The following IFT88 variants were observed in gnomAD, a reference collection of about 807,000 sequenced individuals.
IFT88 encodes the protein intraflagellar transport 88, also known as intraflagellar transport protein 88 homolog.
In IFT88, 74 loss-of-function variants were observed where a neutral mutation model predicts 119.5. That is an observed-to-expected ratio of 0.62 (90% confidence interval 0.51 to 0.75). IFT88 has a LOEUF of 0.75. Ranked by LOEUF, IFT88 falls within the 30% of genes least tolerant of loss-of-function variation. The pLI, the probability that IFT88 is intolerant of heterozygous loss-of-function variation, is 0.00. For synonymous variants in IFT88, 279 were observed against 316.7 expected (o/e 0.88, Z 1.26); for missense variants, 961 against 977.7 (o/e 0.98, Z 0.23).
intron 12 of IFT88, among the ~76,000 whole-genome samples, chr13:20,602,156 T>C (rs2042694753): frequency 6.7e-6 from 1 of 149,770 alleles, no homozygotes; most frequent in African/African-American, 2.5e-5. Flanking sequence ...ACAATTTTAG[T>C]AAAAAAATCA....
At chr13:20,664,881 C>A (rs1410465722) in intron 23 of IFT88, among the ~76,000 whole-genome samples, 1 of 152,034 alleles carries the variant, frequency 6.6e-6, no homozygotes, top group African/African-American at 2.4e-5. Context: ...AGATCGAGAC[C>A]ATCCTGGCTA....
chr13:20,592,419 ATGT>A lies in IFT88; in HGVS notation c.398+23_398+25del. ...AAAAAAGATAGGTATGTAAGTCCTT[ATGT>A]TGTTGTTTGTTGTTGTTGCTGCATA... On this transcript the variant is annotated intron_variant, in intron 7 of 25. Transcript: ENST00000351808. 1.3e-6 allele frequency: 2 copies of A among 1,568,160 alleles called. No individual in the cohort carries two copies. Among genetic ancestry groups the A allele is most frequent in the South Asian group, 1.2e-5 (1 of 85,010 alleles).
intron 20 of IFT88, among the ~76,000 whole-genome samples, chr13:20,648,856 A>G (rs896186521): frequency 6.6e-6 from 1 of 152,206 alleles, no homozygotes; most frequent in African/African-American, 2.4e-5. Context: ...TATTAATGGT[A>G]ACCAGAAGAG....
intron 16 of IFT88, among the ~76,000 whole-genome samples, chr13:20,632,930 G>A (rs2048419905): frequency 6.6e-6 from 1 of 152,178 alleles, no homozygotes; most frequent in Non-Finnish European, 1.5e-5. Flanking sequence ...CTGAATTGCT[G>A]TTGCTAGTGG....
intron 16 of IFT88, chr13:20,632,135 T>A (rs1406387771): frequency 1.5e-5 from 1 of 67,410 alleles, no homozygotes; most frequent in African/African-American, 4.4e-5. Flanking sequence ...AGATACCTTG[T>A]CTCCAAAAAA....
At chr13:20,632,306 C>T (rs1412408510) in intron 16 of IFT88, among the ~76,000 whole-genome samples, 3 of 152,132 alleles carry the variant, frequency 2.0e-5, no homozygotes, top group African/African-American at 7.2e-5. Flanking sequence ...TTAATTCTGT[C>T]CTGCATGTAG....
In IFT88 at chr13:20,598,562, G is replaced by A. The variant is rs1027505321; in HGVS notation, c.595-89G>A. 1.7e-5 allele frequency: 12 copies of A among 686,962 alleles called. No homozygotes were observed. In the Admixed American group the frequency reaches 2.8e-4, roughly 16 times the overall value. The allele number at this position is 686,962 out of a possible 1,614,324, so 42.6% of individuals were successfully genotyped here. ...TATCTTGATATAAGTAGCTAACTTT[G>A]TTATAGGATTTTAATCTCTAGAAAG... On this transcript the variant is annotated intron_variant, in intron 9 of 25. Coordinates refer to ENST00000351808, the MANE Select transcript of IFT88 (RefSeq NM_006531.5).
intron 15 of IFT88, among the ~76,000 whole-genome samples, chr13:20,626,681 G>A (rs2047382716): frequency 6.6e-6 from 1 of 152,176 alleles, no homozygotes; most frequent in Admixed American, 6.5e-5. Flanking sequence ...TGCTAGCTTG[G>A]GTGGGGGGTA....
chr13:20,677,147 C>T (rs965628312), intron 24 of IFT88, among the ~76,000 whole-genome samples: 6 of 152,158 alleles, frequency 3.9e-5, no homozygotes, highest in African/African-American at 1.4e-4. Context: ...ATGTTACCTC[C>T]TTTGTTCTCT....
At position 20,575,842 on chromosome 13, in the gene IFT88, C is replaced by T. The variant is rs766293995; in HGVS notation, c.90+1367C>T. On this transcript the variant is annotated intron_variant, in intron 2 of 25. Coordinates refer to ENST00000351808, the MANE Select transcript of IFT88 (RefSeq NM_006531.5). ...CGCCAACCTAATAGCAATGCAAGAA[C>T]GGCCTGGTACATACTGATTTCTTTT... 1.8e-4 allele frequency among the ~76,000 whole-genome samples: 27 copies of T among 152,200 alleles called. 1 individual carries two copies. Among genetic ancestry groups the T allele is most frequent in the Non-Finnish European group, 2.4e-4 (16 of 68,028 alleles).
chr13:20,662,219 C>A (rs1161706308), intron 22 of IFT88, among the ~76,000 whole-genome samples: 1 of 151,932 alleles, frequency 6.6e-6, no homozygotes, highest in East Asian at 1.9e-4. Context: ...CTCTAACAGA[C>A]CTGCAGCTGA....
At chr13:20,684,242 G>A (rs186333161) in intron 24 of IFT88, among the ~76,000 whole-genome samples, 11 of 152,300 alleles carry the variant, frequency 7.2e-5, no homozygotes, top group Middle Eastern at 3.4e-3. Flanking sequence ...GCGGTCGCTC[G>A]AGGCACTGCT....
intron 3 of IFT88, among the ~76,000 whole-genome samples, chr13:20,585,264 C>T (rs2039456670): frequency 6.6e-6 from 1 of 152,158 alleles, no homozygotes; most frequent in Admixed American, 6.5e-5. Flanking sequence ...CAGAACCATC[C>T]TCAGGCTTGA....
chr13:20,683,788 T>C (rs549160574), intron 24 of IFT88, among the ~76,000 whole-genome samples: 1 of 152,330 alleles, frequency 6.6e-6, no homozygotes, highest in East Asian at 1.9e-4. Context: ...TCCTCCTGTT[T>C]GATTAATTTC....
chr13:20,602,610 C>T (rs891983553), intron 12 of IFT88, among the ~76,000 whole-genome samples: 2 of 152,136 alleles, frequency 1.3e-5, no homozygotes, highest in Admixed American at 6.5e-5. Flanking sequence ...GAAGGCTGGG[C>T]GCAGTGGCTC....
intron 21 of IFT88, among the ~76,000 whole-genome samples, 159 bp downstream of exon 21, chr13:20,654,087 A>T (rs2052322807): frequency 6.6e-6 from 1 of 152,204 alleles, no homozygotes. Context: ...CACAATAATT[A>T]CTACATACAA....
intron 13 of IFT88, chr13:20,612,233 A>G (rs960038676): frequency 6.6e-6 from 1 of 152,184 alleles, no homozygotes; most frequent in Non-Finnish European, 1.5e-5. Flanking sequence ...TCCAAGGACA[A>G]TCTGTTAAAT....
At position 20,691,021 on chromosome 13, in the gene IFT88, TA is replaced by T. The variant is rs2058419330; in HGVS notation, c.2354-31del. On this transcript the variant is annotated intron_variant, in intron 25 of 25. Transcript: ENST00000351808. ...TTCACATTTGTTTTGTTTGTTTACA[TA>T]ACTCTAACGTGACAATCTCTTCGAA... The T allele has an allele frequency of 1.9e-6, 3 of 1,603,886 alleles. No individual in the cohort carries two copies. The Admixed American group carries it at 5.2e-5, about 28-fold the overall frequency.
chr13:20,643,078 A>G (rs888877789), intron 18 of IFT88, among the ~76,000 whole-genome samples: 1 of 151,934 alleles, frequency 6.6e-6, no homozygotes, highest in African/African-American at 2.4e-5. Context: ...GAAAACTCAC[A>G]GGAAAAACAC....
Sources: gnomAD v4.1 joint callset for allele counts (sites outside exome capture counted in the v4.1 genomes callset) on GRCh38, gnomAD v4.1.1 for gene constraint, MANE v1.5 for transcripts, NCBI Gene and HGNC (gene_info 2026-07-23, HGNC 2026-07-21) for gene names.